Variants in XRCC3 observed in about 807,000 individuals in gnomAD.
XRCC3 encodes the protein DNA repair protein XRCC3.
Under a neutral mutation model 29.2 loss-of-function variants are expected in XRCC3, and 34 were observed. The observed-to-expected ratio is 1.16, with a 90% CI of 0.88 to 1.55. The LOEUF (loss-of-function observed/expected upper bound fraction) is 1.55. XRCC3 is among the 40% of genes most tolerant of loss of function. XRCC3 has a pLI of 0.00. For synonymous variants in XRCC3, 223 were observed against 211.3 expected, an observed-to-expected ratio of 1.06 and a Z score of -0.48; for missense variants, 463 against 467.6, an observed-to-expected ratio of 0.99 and a Z score of 0.09.
rs1048096461 is a variant in XRCC3, at chr14:103,699,793, C to T, written c.562-217G>A. 9.9e-6 allele frequency: 6 copies of T among 605,326 alleles called. No homozygotes were observed. The African/African-American group carries it at 1.1e-4, about 11-fold the overall frequency. The allele number at this position is 605,326 out of a possible 1,614,324, so 37.5% of individuals were successfully genotyped here. On this transcript the variant is annotated intron_variant, in intron 7 of 9. Transcript: ENST00000555055. ...GCTTCAGGCTCACACAACTGGTTCC[C>T]TTGGCCCCATGTCCTTCCTCTGGCC...
intron 4 of XRCC3, 74 bp downstream of exon 4, chr14:103,710,959 G>T: frequency 6.7e-7 from 1 of 1,499,318 alleles, no homozygotes; most frequent in Non-Finnish European, 9.3e-7. Flanking sequence ...TAGCCAGCCA[G>T]CGTTTTGTTA....
chr14:103,697,707 TG>T lies in XRCC3; in HGVS notation c.*1090del, dbSNP rs2151893257. ...GTGGGGGGTGGAGGGGGTTGTACGG[TG>T]GGAATCAAGGGGGTCACCACTGTGC... On this transcript the variant is annotated 3_prime_UTR_variant, in exon 10 of 10. Coordinates refer to ENST00000555055, the MANE Select transcript of XRCC3 (RefSeq NM_005432.4). 6.6e-6 allele frequency: 1 copy of T among 151,100 alleles called. No homozygotes were observed. The highest frequency in any genetic ancestry group is 2.4e-5 in the African/African-American group (1 of 41,068). The allele number at this position is 151,100 out of a possible 1,614,324, so 9.4% of individuals were successfully genotyped here.
chr14:103,706,602 C>T (rs937308123), intron 6 of XRCC3: 10 of 375,212 alleles, frequency 2.7e-5, no homozygotes, highest in Admixed American at 7.2e-5. Context: ...CACGGGGCCG[C>T]GCCAGGAGCA....
chr14:103,710,927 G>A (rs902801220), intron 4 of XRCC3, 106 bp downstream of exon 4: 16 of 1,104,418 alleles, frequency 1.4e-5, no homozygotes, highest in African/African-American at 1.4e-4. Context: ...TAATAATCAG[G>A]GTAGGCAAAG....
Position 103,710,795 on chromosome 14 carries a change from T to C in XRCC3, c.55+238A>G, listed in dbSNP as rs2083598423. The C allele has an allele frequency of 5.6e-6, 3 of 535,646 alleles. No individual in the cohort carries two copies. In the South Asian group the frequency reaches 6.7e-5, roughly 12 times the overall value. 33.2% of individuals were successfully genotyped at this position (535,646 alleles called of 1,614,324 possible). A position where few individuals can be genotyped will look rare whatever the true frequency, so the allele number is the denominator to read the frequency against. ...TGGCTCCATTTTACCTTTTAGACAA[T>C]ATGCATGTATTACTTTGATAAAAAT... is the stretch of plus-strand genomic sequence containing the variant. On this transcript the variant is annotated intron_variant, in intron 4 of 9. Coordinates refer to ENST00000555055, the MANE Select transcript of XRCC3 (RefSeq NM_005432.4).
At chr14:103,715,286 G>C (rs2083776250) in intron 1 of XRCC3, 138 bp downstream of exon 1, 1 of 152,140 alleles carries the variant, frequency 6.6e-6, no homozygotes, top group Non-Finnish European at 1.5e-5. Flanking sequence ...GCTCCCACAG[G>C]CTCGGGCAAT....
intron 1 of XRCC3, among the ~76,000 whole-genome samples, chr14:103,715,062 C>T (rs1330093020): frequency 6.6e-6 from 1 of 152,250 alleles, no homozygotes; most frequent in Non-Finnish European, 1.5e-5. Flanking sequence ...CCAGCGCGGT[C>T]CCAGGCGGAC....
chr14:103,710,870 A>G (rs1046540303), intron 4 of XRCC3, 163 bp downstream of exon 4: 1 of 676,232 alleles, frequency 1.5e-6, no homozygotes, highest in Non-Finnish European at 2.7e-6. Context: ...ACACACACAC[A>G]CACACACACA....
At chr14:103,700,436 GGGGA>G in intron 7 of XRCC3, 1 of 477,286 alleles carries the variant, frequency 2.1e-6, no homozygotes. Context: ...CATGGTGATG[GGGGA>G]GGGTGACACA....
intron 7 of XRCC3, chr14:103,700,806 A>C: frequency 8.3e-7 from 1 of 1,201,824 alleles, no homozygotes. Flanking sequence ...GACTGGGGGG[A>C]GCTGGGGATG....
At position 103,703,023 on chromosome 14, in the gene XRCC3, C is replaced by T. The variant is rs553304817; in HGVS notation, c.561+150G>A. 241 of 1,231,914 alleles carry T rather than the reference C, an allele frequency of 2.0e-4. 1 individual carries two copies. The African/African-American group carries it at 3.0e-3, about 15-fold the overall frequency. The allele number at this position is 1,231,914 out of a possible 1,614,324, so 76.3% of individuals were successfully genotyped here. ...CCTCTGACCCCACCTGCTCCTCGGG[C>T]GTAAACCCCCATGACCCATGCTGTG... On this transcript the variant is annotated intron_variant, in intron 7 of 9. Coordinates refer to ENST00000555055, the MANE Select transcript of XRCC3 (RefSeq NM_005432.4).
At chr14:103,706,571 C>T (rs1483514681) in intron 6 of XRCC3, 1 of 380,920 alleles carries the variant, frequency 2.6e-6, no homozygotes, top group African/African-American at 2.1e-5. Flanking sequence ...ACCCTCGTTT[C>T]ACAGACAGAG....
chr14:103,708,237 G>T, intron 5 of XRCC3: 1 of 488,122 alleles, frequency 2.0e-6, no homozygotes, highest in Non-Finnish European at 3.8e-6. Flanking sequence ...GGTGCTGACT[G>T]CCAAATCCAC....
At chr14:103,711,999 C>A in intron 2 of XRCC3, 1 of 345,600 alleles carries the variant, frequency 2.9e-6, no homozygotes, top group Non-Finnish European at 5.7e-6. Context: ...AAAGGGCGGG[C>A]CGTGGACTTG....
chr14:103,709,059 T>G (rs960046934), intron 4 of XRCC3: 1 of 347,138 alleles, frequency 2.9e-6, no homozygotes, highest in African/African-American at 2.1e-5. Flanking sequence ...GCACCGAGCT[T>G]TCCACCACCC....
chr14:103,706,001 G>A lies in XRCC3; in HGVS notation c.406+1002C>T, dbSNP rs1310095787. 6 of 242,542 alleles carry A rather than the reference G, an allele frequency of 2.5e-5. No homozygotes were observed. In the East Asian group the frequency reaches 3.3e-4, roughly 13 times the overall value. The allele number at this position is 242,542 out of a possible 1,614,324, so 15.0% of individuals were successfully genotyped here. On this transcript the variant is annotated intron_variant, in intron 6 of 9. Coordinates refer to ENST00000555055, the MANE Select transcript of XRCC3 (RefSeq NM_005432.4). ...TCCAGGCTCATCCCCAAGACCAGCC[G>A]CAGGGACTCAGGCACCTGACAAGAG...
intron 7 of XRCC3, chr14:103,702,115 C>CTG (rs2083236534): frequency 6.6e-6 from 1 of 152,442 alleles, no homozygotes; most frequent in Non-Finnish European, 1.5e-5. Flanking sequence ...CACAGCACTG[C>CTG]TGCCCCAGCT....
intron 7 of XRCC3, chr14:103,701,224 A>G: frequency 6.4e-7 from 1 of 1,550,430 alleles, no homozygotes; most frequent in East Asian, 2.4e-5. Context: ...GCCCCGCTCC[A>G]GGATGGGACT....
chr14:103,705,502 C>G (rs1230137440), intron 6 of XRCC3: 2 of 152,312 alleles, frequency 1.3e-5, no homozygotes, highest in African/African-American at 4.8e-5. Context: ...ACTTCAGAGC[C>G]CGCCTGCCGC....
Sources: allele counts gnomAD v4.1 joint callset (sites outside exome capture counted in the v4.1 genomes callset), GRCh38; gene constraint gnomAD v4.1.1; transcripts MANE v1.5; gene names NCBI Gene and HGNC (gene_info 2026-07-23, HGNC 2026-07-21).